EIF3L: variants seen among roughly 807,000 people sequenced by gnomAD.
EIF3L encodes eukaryotic translation initiation factor 3 subunit L.
A neutral mutation model predicts 74.6 loss-of-function variants in EIF3L; 32 were observed. The observed-to-expected ratio is 0.43, with a 90% CI of 0.32 to 0.58. The LOEUF (loss-of-function observed/expected upper bound fraction) is 0.58, where lower values mean the gene tolerates loss of function less well. Ranked by LOEUF, EIF3L falls within the 20% of genes least tolerant of loss-of-function variation. EIF3L has a pLI of 0.06. For missense variants in EIF3L, 474 were observed against 707.8 expected, an observed-to-expected ratio of 0.67 and a Z score of 3.75; for synonymous variants, 256 against 254.4, an observed-to-expected ratio of 1.01 and a Z score of -0.06.
At position 37,849,580 on chromosome 22, in the gene EIF3L, C is replaced by T. The variant is rs1256973537; in HGVS notation, c.33+98C>T. 41 of 1,393,684 alleles carry T rather than the reference C, an allele frequency of 2.9e-5. No homozygotes were observed. In the South Asian group the frequency reaches 5.4e-4, roughly 18 times the overall value. 86.3% of individuals were successfully genotyped at this position (1,393,684 alleles called of 1,614,324 possible). On this transcript the variant is annotated intron_variant, in intron 1 of 12. Coordinates refer to ENST00000652021, the MANE Select transcript of EIF3L (RefSeq NM_016091.4). ...CGCGAGGCAGCTTCCGGGTCGCGGCCAGCTCCGGCCGACCTCCCGCCCGGC... is the reference window on the plus strand; with the variant it reads ...CGCGAGGCAGCTTCCGGGTCGCGGCTAGCTCCGGCCGACCTCCCGCCCGGC...
rs1242579746 is a variant in EIF3L, at chr22:37,888,738, A to T, written c.*274A>T. The stretch of plus-strand genomic sequence containing the variant: ...ACATCAGTTGTTAGTGTTTAAATTG[A>T]GTTATTTTTATTTTGTGCTTTTGAG... On this transcript the variant is annotated 3_prime_UTR_variant, in exon 13 of 13. Coordinates refer to ENST00000652021, the MANE Select transcript of EIF3L (RefSeq NM_016091.4). The T allele has an allele frequency of 4.8e-6, 2 of 417,050 alleles. No individual in the cohort carries two copies. Among genetic ancestry groups the T allele is most frequent in the African/African-American group, 4.1e-5 (2 of 49,018 alleles). 25.8% of individuals were successfully genotyped at this position (417,050 alleles called of 1,614,324 possible).
intron 3 of EIF3L, among the ~76,000 whole-genome samples, chr22:37,853,837 GGAAAAGTAAT>G (rs1449454780): frequency 1.5e-4 from 23 of 152,074 alleles, no homozygotes; most frequent in Non-Finnish European, 2.4e-4. Context: ...GTTTATGACT[GGAAAAGTAAT>G]TCAAATTTGA....
At chr22:37,873,528 C>T (rs955370407) in intron 8 of EIF3L, among the ~76,000 whole-genome samples, 4 of 151,880 alleles carry the variant, frequency 2.6e-5, no homozygotes, top group African/African-American at 9.7e-5. Flanking sequence ...CTCCTGACCT[C>T]GTGATCTGCC....
At chr22:37,850,192 C>T (rs1601748887) in intron 2 of EIF3L, 129 bp downstream of exon 2, 1 of 953,134 alleles carries the variant, frequency 1.0e-6, no homozygotes, top group Non-Finnish European at 1.7e-6. Context: ...TCATTAGCTG[C>T]CAGTGCGAGG....
Position 37,874,353 on chromosome 22 carries a change from G to T in EIF3L, c.752-17G>T. On this transcript the variant is annotated splice_polypyrimidine_tract_variant and intron_variant, in intron 8 of 12. Transcript: ENST00000652021. ...TACCTGCCTCCTATCAGTATTCACGGTGTCTGTCTCTTTCAGGTGACCCTG... is the reference window on the plus strand; with the variant it reads ...TACCTGCCTCCTATCAGTATTCACGTTGTCTGTCTCTTTCAGGTGACCCTG... The T allele has an allele frequency of 1.2e-6, 2 of 1,612,510 alleles. No homozygotes were observed. The highest frequency in any genetic ancestry group is 2.2e-5 in the South Asian group (2 of 90,802).
chr22:37,873,797 A>G (rs535862921), intron 8 of EIF3L, among the ~76,000 whole-genome samples: 40 of 152,148 alleles, frequency 2.6e-4, no homozygotes, highest in Non-Finnish European at 4.9e-4. Context: ...CCTGGGCTCA[A>G]GCACATCCTC....
intron 10 of EIF3L, chr22:37,876,723 C>A (rs1243156836): frequency 6.6e-6 from 1 of 152,138 alleles, no homozygotes; most frequent in Non-Finnish European, 1.5e-5. Context: ...GTTATATCCT[C>A]CAGCAGTGCC....
chr22:37,862,725 A>G (rs1345704071), intron 5 of EIF3L, among the ~76,000 whole-genome samples: 1 of 152,144 alleles, frequency 6.6e-6, no homozygotes, highest in Non-Finnish European at 1.5e-5. Flanking sequence ...TTGCCAGATC[A>G]TCATCCCTGC....
In EIF3L at chr22:37,849,496, A is replaced by C. The variant is rs1384937634; in HGVS notation, c.33+14A>C. 13 of 1,587,282 alleles carry C rather than the reference A, an allele frequency of 8.2e-6. No individual in the cohort carries two copies. Among genetic ancestry groups the C allele is most frequent in the Non-Finnish European group, 1.1e-5 (13 of 1,161,716 alleles). On this transcript the variant is annotated intron_variant, in intron 1 of 12. Coordinates refer to ENST00000652021, the MANE Select transcript of EIF3L (RefSeq NM_016091.4). ...TATGAGTCTGAGGTAAGGTGGCCGT[A>C]AGGGCGCGGTGGGCTCCACGACGGG...
chr22:37,875,237 G>A (rs1926683193), intron 9 of EIF3L, among the ~76,000 whole-genome samples: 1 of 151,702 alleles, frequency 6.6e-6, no homozygotes, highest in Non-Finnish European at 1.5e-5. Context: ...AACTAGCTGG[G>A]TATGGTGGTG....
intron 10 of EIF3L, chr22:37,876,632 G>A (rs1926767391): frequency 6.6e-6 from 1 of 152,150 alleles, no homozygotes; most frequent in South Asian, 2.1e-4. Context: ...CATACTCTTA[G>A]GAGTTTCTGT....
At chr22:37,862,935 A>G in intron 5 of EIF3L, 34 bp from the exon 6 acceptor site, 1 of 1,519,772 alleles carries the variant, frequency 6.6e-7, no homozygotes, top group Non-Finnish European at 9.1e-7. Flanking sequence ...AAAATTAAAT[A>G]TCTGTATCTT....
At chr22:37,872,650 ACT>A (rs1219167812) in intron 8 of EIF3L, among the ~76,000 whole-genome samples, 5 of 151,898 alleles carry the variant, frequency 3.3e-5, no homozygotes, top group East Asian at 1.9e-4. Context: ...ATGGGGTCTC[ACT>A]CTGTCACCCT....
intron 3 of EIF3L, among the ~76,000 whole-genome samples, chr22:37,852,704 CT>C (rs1378028610): frequency 6.6e-6 from 1 of 151,960 alleles, no homozygotes; most frequent in Non-Finnish European, 1.5e-5. Flanking sequence ...GGCCTCACCC[CT>C]GCCACTCTCG....
chr22:37,874,979 G>A (rs1039456891), intron 9 of EIF3L, among the ~76,000 whole-genome samples: 1 of 145,288 alleles, frequency 6.9e-6, no homozygotes, highest in Admixed American at 7.2e-5. Context: ...TCCTGACCTC[G>A]TGATCCGCCT....
chr22:37,859,902 C>G (rs753223353), intron 5 of EIF3L, among the ~76,000 whole-genome samples: 5 of 152,052 alleles, frequency 3.3e-5, no homozygotes, highest in Admixed American at 3.3e-4. Flanking sequence ...ATCCCAGCTA[C>G]TTGGAAGGCT....
chr22:37,867,825 G>C (rs1335647305), intron 7 of EIF3L, among the ~76,000 whole-genome samples: 1 of 151,134 alleles, frequency 6.6e-6, no homozygotes, highest in African/African-American at 2.4e-5. Context: ...CATGGTGGTG[G>C]GCGCCTGTAG....
rs1926644809 is a variant in EIF3L, at chr22:37,874,544, G to A, written c.906+20G>A. ...AAGAAGGTGATGCCTATTGCCTCTGGCCCCTCTTGCCAGAGCCAGAATATC... is the reference window on the plus strand; with the variant it reads ...AAGAAGGTGATGCCTATTGCCTCTGACCCCTCTTGCCAGAGCCAGAATATC... On this transcript the variant is annotated intron_variant, in intron 9 of 12. Transcript: ENST00000652021. The A allele has an allele frequency of 6.2e-7, 1 of 1,606,210 alleles. No homozygotes were observed. Among genetic ancestry groups the A allele is most frequent in the Non-Finnish European group, 8.5e-7 (1 of 1,174,502 alleles).
intron 10 of EIF3L, chr22:37,876,486 A>G (rs1379539279): frequency 6.6e-6 from 1 of 152,294 alleles, no homozygotes; most frequent in African/African-American, 2.4e-5. Context: ...TTTTTAGTAG[A>G]GATGGGGTTT....
Sources: gnomAD v4.1 joint callset for allele counts (sites outside exome capture counted in the v4.1 genomes callset) on GRCh38, gnomAD v4.1.1 for gene constraint, MANE v1.5 for transcripts, NCBI Gene and HGNC (gene_info 2026-07-23, HGNC 2026-07-21) for gene names.